The following CNTN3 variants were observed in gnomAD, a reference collection of about 807,000 sequenced individuals.
CNTN3 encodes the protein contactin-3.
In CNTN3, 60 loss-of-function variants were observed where a neutral mutation model predicts 119.1. The ratio of observed to expected loss-of-function variants is 0.50; its 90% CI spans 0.41 to 0.62. CNTN3 has a LOEUF of 0.62. Among genes scored for constraint, CNTN3 ranks in the 20% least tolerant of loss-of-function variants. CNTN3 has a pLI of 0.00. For missense variants in CNTN3, 1,101 were observed against 1,242.4 expected (o/e 0.89, Z 1.71); for synonymous variants, 450 against 438.7 (o/e 1.03, Z -0.32).
chr3:74,378,198 G>T (rs2106804396), intron 5 of CNTN3, among the ~76,000 whole-genome samples: 1 of 152,340 alleles, frequency 6.6e-6, no homozygotes, highest in East Asian at 1.9e-4. Flanking sequence ...TTGGTGGAAA[G>T]TCTGGGATGC....
intron 4 of CNTN3, among the ~76,000 whole-genome samples, chr3:74,466,701 T>G (rs923460809): frequency 1.8e-4 from 28 of 152,242 alleles, no homozygotes; most frequent in African/African-American, 6.5e-4. Flanking sequence ...AGATTTTCAG[T>G]GAATGCATTA....
At chr3:74,450,248 T>C (rs1575736776) in intron 4 of CNTN3, among the ~76,000 whole-genome samples, 1 of 152,006 alleles carries the variant, frequency 6.6e-6, no homozygotes, top group Non-Finnish European at 1.5e-5. Flanking sequence ...ACAAAACAAA[T>C]TTTTTTAATC....
chr3:74,313,665 C>A (rs977672379), intron 13 of CNTN3, among the ~76,000 whole-genome samples: 2 of 151,982 alleles, frequency 1.3e-5, no homozygotes, highest in Non-Finnish European at 2.9e-5. Context: ...ATTTATACAC[C>A]ATTTTGAGGT....
chr3:74,339,677 C>G (rs1559554230), intron 11 of CNTN3, among the ~76,000 whole-genome samples: 1 of 151,872 alleles, frequency 6.6e-6, no homozygotes, highest in Admixed American at 6.6e-5. Context: ...ATTTTTAGAC[C>G]CTTGAAAAGT....
chr3:74,333,910 C>T (rs1037497699), intron 13 of CNTN3, among the ~76,000 whole-genome samples: 20 of 152,124 alleles, frequency 1.3e-4, no homozygotes, highest in African/African-American at 4.6e-4. Context: ...ACTTGACTGT[C>T]CACCATGGAC....
intron 1 of CNTN3, among the ~76,000 whole-genome samples, chr3:74,565,702 G>C (rs1704215860): frequency 6.6e-6 from 1 of 152,096 alleles, no homozygotes; most frequent in Admixed American, 6.6e-5. Flanking sequence ...GTCAACCTTG[G>C]TGAGCCTGTG....
intron 1 of CNTN3, among the ~76,000 whole-genome samples, chr3:74,551,791 T>A (rs1703995752): frequency 7.9e-6 from 1 of 126,674 alleles, no homozygotes; most frequent in Non-Finnish European, 1.6e-5. Flanking sequence ...TGAGATGGAG[T>A]CCTGCTCTGT....
intron 5 of CNTN3, among the ~76,000 whole-genome samples, chr3:74,417,234 C>A (rs1174268798): frequency 6.6e-6 from 1 of 152,110 alleles, no homozygotes; most frequent in African/African-American, 2.4e-5. Context: ...CCTGTGGGCC[C>A]ATATGTACCT....
intron 5 of CNTN3, among the ~76,000 whole-genome samples, chr3:74,405,322 T>C (rs1705297794): frequency 1.3e-5 from 2 of 152,036 alleles, no homozygotes; most frequent in Admixed American, 1.3e-4. Flanking sequence ...TATAGATACA[T>C]TTGCAGATAC....
intron 5 of CNTN3, among the ~76,000 whole-genome samples, chr3:74,422,758 ATAAATT>A (rs776347620): frequency 6.6e-5 from 10 of 152,222 alleles, no homozygotes; most frequent in Non-Finnish European, 1.5e-4. Context: ...TTGAGACAAT[ATAAATT>A]TAAATTATTT....
At chr3:74,390,226 T>A (rs1460808045) in intron 5 of CNTN3, among the ~76,000 whole-genome samples, 2 of 152,190 alleles carry the variant, frequency 1.3e-5, no homozygotes, top group African/African-American at 4.8e-5. Flanking sequence ...GATTCCCAAA[T>A]CCTGCAGTAT....
At chr3:74,486,713 C>T in intron 3 of CNTN3, 82 bp from the exon 4 acceptor site, 1 of 1,163,600 alleles carries the variant, frequency 8.6e-7, no homozygotes, top group Non-Finnish European at 1.2e-6. Flanking sequence ...CTACTTTAAA[C>T]ATTATCCCTC....
intron 2 of CNTN3, among the ~76,000 whole-genome samples, chr3:74,512,692 C>A (rs199641066): frequency 7.4e-4 from 63 of 85,246 alleles, no homozygotes; most frequent in South Asian, 1.0e-3. Flanking sequence ...CATAATCAAG[C>A]AAAAAAAAAA....
At position 74,450,663 on chromosome 3, in the gene CNTN3, T is replaced by TC. The variant is rs375444644; in HGVS notation, c.359-25724dup. On this transcript the variant is annotated intron_variant, in intron 4 of 22. Coordinates refer to ENST00000263665, the MANE Select transcript of CNTN3 (RefSeq NM_020872.3). ...ATCTCCCAATGCTATCCCTCCCCCC[T>TC]CCCCCCACCCCACAACACTCCCCAG... 5.6e-5 allele frequency among the ~76,000 whole-genome samples: 3 copies of TC among 53,972 alleles called. No individual in the cohort carries two copies. In the Admixed American group the frequency reaches 7.9e-4, roughly 14 times the overall value. 35.4% of individuals were successfully genotyped at this position (53,972 alleles called of 152,430 possible).
chr3:74,559,905 A>C (rs186323841), intron 1 of CNTN3, among the ~76,000 whole-genome samples: 2 of 152,326 alleles, frequency 1.3e-5, no homozygotes, highest in East Asian at 3.9e-4. Flanking sequence ...CATCTGAGAC[A>C]CTGGGGCACA....
At chr3:74,306,352 G>C (rs1346533642) in intron 13 of CNTN3, among the ~76,000 whole-genome samples, 3 of 151,850 alleles carry the variant, frequency 2.0e-5, no homozygotes, top group Non-Finnish European at 2.9e-5. Flanking sequence ...CCATTCTTTA[G>C]AGTATAAAAT....
chr3:74,441,470 C>T (rs1407143514), intron 4 of CNTN3, among the ~76,000 whole-genome samples: 1 of 152,104 alleles, frequency 6.6e-6, no homozygotes, highest in Admixed American at 6.6e-5. Context: ...GCAATGAGTG[C>T]AATTTTGTAC....
chr3:74,425,767 T>C (rs1701686275), intron 4 of CNTN3, among the ~76,000 whole-genome samples: 2 of 152,136 alleles, frequency 1.3e-5, no homozygotes, highest in Admixed American at 1.3e-4. Context: ...CTATAATTAT[T>C]TTTATTTACA....
chr3:74,545,409 C>T (rs1424818585), intron 1 of CNTN3, among the ~76,000 whole-genome samples: 1 of 152,188 alleles, frequency 6.6e-6, no homozygotes, highest in Non-Finnish European at 1.5e-5. Flanking sequence ...TCCCTTCACA[C>T]TCCTTGATAT....
Sources: gnomAD v4.1 joint callset for allele counts (sites outside exome capture counted in the v4.1 genomes callset) on GRCh38, gnomAD v4.1.1 for gene constraint, MANE v1.5 for transcripts, NCBI Gene and HGNC (gene_info 2026-07-23, HGNC 2026-07-21) for gene names.